MEI4: variants seen among roughly 807,000 people sequenced by gnomAD.
The protein encoded by MEI4 is meiosis-specific protein MEI4.
Under a neutral mutation model 31.4 loss-of-function variants are expected in MEI4, and 27 were observed. That is an observed-to-expected ratio of 0.86 (90% confidence interval 0.63 to 1.19). The LOEUF (loss-of-function observed/expected upper bound fraction) is 1.19. MEI4 is among the 50% of genes most tolerant of loss of function. The probability of loss-of-function intolerance (pLI) is 0.00; values close to 1 mark genes in which losing one functional copy is unlikely to be tolerated. For missense variants in MEI4, 329 were observed against 398.9 expected (o/e 0.82, Z 1.49); for synonymous variants, 122 against 145.4 (o/e 0.84, Z 1.16).
At chr6:77,705,414 C>T (rs766868968) in intron 2 of MEI4, among the ~76,000 whole-genome samples, 7 of 152,118 alleles carry the variant, frequency 4.6e-5, no homozygotes, top group Non-Finnish European at 8.8e-5. Context: ...CAAATTTACT[C>T]GTAAATAAAG....
rs796528692 is a variant in MEI4, at chr6:77,736,313, C to G, written c.233-24817C>G. ...CTCCGTGGGCGTATTACCCTCCGAG[C>G]CATGTGCGGGATATAATCTCCTGGT... On this transcript the variant is annotated intron_variant, in intron 2 of 4. Transcript: ENST00000684080. 7.2e-5 allele frequency among the ~76,000 whole-genome samples: 11 copies of G among 152,170 alleles called. 1 individual carries two copies. Among genetic ancestry groups the G allele is most frequent in the African/African-American group, 2.4e-4 (10 of 41,450 alleles).
At chr6:77,894,934 A>G (rs1037465269) in intron 4 of MEI4, among the ~76,000 whole-genome samples, 1 of 152,082 alleles carries the variant, frequency 6.6e-6, no homozygotes, top group African/African-American at 2.4e-5. Context: ...TAGGAAGAAT[A>G]TTTTCTGTTG....
chr6:77,923,497 A>G lies in MEI4; in HGVS notation c.*151A>G. 1 of 676,950 alleles carries G rather than the reference A, an allele frequency of 1.5e-6. No individual in the cohort carries two copies. The highest frequency in any genetic ancestry group is 2.1e-6 in the Non-Finnish European group (1 of 486,720). The allele number at this position is 676,950 out of a possible 1,614,324, so 41.9% of individuals were successfully genotyped here. On this transcript the variant is annotated 3_prime_UTR_variant, in exon 5 of 5. Coordinates refer to ENST00000684080, the MANE Select transcript of MEI4 (RefSeq NM_001322247.2). ...TCAATTCAACTTAATGGTTAGTCTT[A>G]AATTGTATGAAATTTTATGAGTCAT...
chr6:77,816,027 CA>C (rs1285246513), intron 3 of MEI4, among the ~76,000 whole-genome samples: 1 of 151,958 alleles, frequency 6.6e-6, no homozygotes, highest in African/African-American at 2.4e-5. Context: ...AATTTCAGAA[CA>C]AACACTCATG....
intron 4 of MEI4, among the ~76,000 whole-genome samples, chr6:77,868,524 T>TATAC (rs1295221881): frequency 1.1e-4 from 15 of 137,764 alleles, no homozygotes; most frequent in African/African-American, 3.8e-4. Context: ...TATATATATA[T>TATAC]ATATGCAGAT....
chr6:77,699,350 C>T lies in MEI4; in HGVS notation c.232+8447C>T, dbSNP rs545179506. On this transcript the variant is annotated intron_variant, in intron 2 of 4. Coordinates refer to ENST00000684080, the MANE Select transcript of MEI4 (RefSeq NM_001322247.2). ...GACTACAGGCGCCTGCCACTACGCC[C>T]GGCTAATTTTTTTTTGTATTTTTAG... is the stretch of plus-strand genomic sequence containing the variant. Among the ~76,000 whole-genome samples, 64 of 151,894 alleles carry T rather than the reference C, an allele frequency of 4.2e-4. 1 individual carries two copies. The East Asian group carries it at 7.6e-3, about 18-fold the overall frequency.
At chr6:77,786,768 A>G (rs561673980) in intron 3 of MEI4, among the ~76,000 whole-genome samples, 9 of 152,326 alleles carry the variant, frequency 5.9e-5, no homozygotes, top group African/African-American at 1.7e-4. Flanking sequence ...ATGTGTTGAA[A>G]GTTGGTTAAG....
intron 2 of MEI4, among the ~76,000 whole-genome samples, chr6:77,736,416 CCTTT>C (rs1238501301): frequency 6.6e-6 from 1 of 152,070 alleles, no homozygotes; most frequent in East Asian, 1.9e-4. Context: ...ATCTGTCACC[CCTTT>C]CTTTGACTAG....
In MEI4 at chr6:77,925,576, G is replaced by T. The variant is rs1418503461; in HGVS notation, c.*2230G>T. On this transcript the variant is annotated 3_prime_UTR_variant, in exon 5 of 5. Transcript: ENST00000684080. ...TTATAACAGTTTATATTTAGGTAAT[G>T]TCTAACTTTAGAATTAAGGTTTTAG... is the stretch of plus-strand genomic sequence containing the variant. The T allele has an allele frequency of 6.6e-6, 1 of 151,534 alleles. No individual in the cohort carries two copies. Among genetic ancestry groups the T allele is most frequent in the Non-Finnish European group, 1.5e-5 (1 of 67,822 alleles). The allele number at this position is 151,534 out of a possible 1,614,324, so 9.4% of individuals were successfully genotyped here.
chr6:77,887,630 G>T (rs1771657826), intron 4 of MEI4, among the ~76,000 whole-genome samples: 1 of 152,018 alleles, frequency 6.6e-6, no homozygotes, highest in Non-Finnish European at 1.5e-5. Flanking sequence ...ATTACATTGT[G>T]GTCTGAAAAG....
At chr6:77,809,401 T>C (rs1312353421) in intron 3 of MEI4, among the ~76,000 whole-genome samples, 1 of 152,154 alleles carries the variant, frequency 6.6e-6, no homozygotes, top group African/African-American at 2.4e-5. Flanking sequence ...AGTTTTATTT[T>C]CAAACAGATG....
intron 4 of MEI4, among the ~76,000 whole-genome samples, chr6:77,870,086 C>T (rs1351987916): frequency 1.3e-5 from 2 of 152,114 alleles, no homozygotes; most frequent in East Asian, 3.9e-4. Context: ...TACTACAATA[C>T]AGGTGGTCCC....
Position 77,714,248 on chromosome 6 carries a change from C to A in MEI4, c.232+23345C>A, listed in dbSNP as rs550769631. 6.6e-5 allele frequency among the ~76,000 whole-genome samples: 10 copies of A among 150,684 alleles called. No individual in the cohort carries two copies. The South Asian group carries it at 1.1e-3, about 16-fold the overall frequency. On this transcript the variant is annotated intron_variant, in intron 2 of 4. Coordinates refer to ENST00000684080, the MANE Select transcript of MEI4 (RefSeq NM_001322247.2). ...AACACTTAAAAATTTAAAAAAAAAA[C>A]AAAACAGAAAAGTAAAGCAAACAAC...
intron 4 of MEI4, among the ~76,000 whole-genome samples, chr6:77,857,917 C>T (rs748026286): frequency 1.3e-5 from 2 of 152,214 alleles, no homozygotes; most frequent in African/African-American, 2.4e-5. Context: ...ATCAGATGTA[C>T]TCTGCATCAC....
rs571664304 is a variant in MEI4, at chr6:77,660,137, G to T, written c.-15+7045G>T. On this transcript the variant is annotated intron_variant, in intron 1 of 4. Transcript: ENST00000684080. ...TTGCCCAGTCTGTCTGTAAGGCGGGGACAGCTGTGTAGGCACTGGAAGAAA... is the reference window on the plus strand; with the variant it reads ...TTGCCCAGTCTGTCTGTAAGGCGGGTACAGCTGTGTAGGCACTGGAAGAAA... Among the ~76,000 whole-genome samples the T allele has an allele frequency of 1.3e-3, 203 of 152,202 alleles. 1 individual carries two copies. The Middle Eastern group carries it at 0.014, about 10-fold the overall frequency.
intron 4 of MEI4, among the ~76,000 whole-genome samples, chr6:77,905,235 A>T (rs915687901): frequency 6.6e-6 from 1 of 151,970 alleles, no homozygotes; most frequent in African/African-American, 2.4e-5. Context: ...TTTTGTATAC[A>T]TCATCTCTCT....
At chr6:77,709,603 T>C (rs1422224913) in intron 2 of MEI4, among the ~76,000 whole-genome samples, 1 of 152,194 alleles carries the variant, frequency 6.6e-6, no homozygotes, top group Non-Finnish European at 1.5e-5. Flanking sequence ...ACTTGAACTT[T>C]TCTAACTTAT....
At chr6:77,839,257 A>T (rs1770299192) in intron 4 of MEI4, among the ~76,000 whole-genome samples, 1 of 152,154 alleles carries the variant, frequency 6.6e-6, no homozygotes, top group Non-Finnish European at 1.5e-5. Flanking sequence ...CTATGTACAA[A>T]TAGGATGAAT....
At chr6:77,800,186 A>G (rs1291327503) in intron 3 of MEI4, among the ~76,000 whole-genome samples, 1 of 152,062 alleles carries the variant, frequency 6.6e-6, no homozygotes, top group Non-Finnish European at 1.5e-5. Context: ...AGTGGTTTAT[A>G]GTTCTCCTTG....
Sources: allele counts gnomAD v4.1 joint callset (sites outside exome capture counted in the v4.1 genomes callset), GRCh38; gene constraint gnomAD v4.1.1; transcripts MANE v1.5; gene names NCBI Gene and HGNC (gene_info 2026-07-23, HGNC 2026-07-21).